KLHL24: variants seen among roughly 807,000 people sequenced by gnomAD.
KLHL24 encodes kelch-like protein 24.
Under a neutral mutation model 53.4 loss-of-function variants are expected in KLHL24, and 29 were observed. The observed-to-expected ratio is 0.54, with a 90% CI of 0.40 to 0.74. The LOEUF (loss-of-function observed/expected upper bound fraction) is 0.74. KLHL24 is among the 30% of genes least tolerant of loss of function. The pLI, the probability that KLHL24 is intolerant of heterozygous loss-of-function variation, is 0.00. For synonymous variants in KLHL24, 222 were observed against 253.7 expected, an observed-to-expected ratio of 0.88 and a Z score of 1.19; for missense variants, 504 against 744.0, an observed-to-expected ratio of 0.68 and a Z score of 3.75.
At chr3:183,662,879 G>A (rs181038865) in intron 3 of KLHL24, among the ~76,000 whole-genome samples, 233 of 152,154 alleles carry the variant, frequency 1.5e-3, no homozygotes, top group Middle Eastern at 3.4e-3. Flanking sequence ...TAACATTCTT[G>A]TTATAAACTG....
rs532758562 is a variant in KLHL24, at chr3:183,653,196, T to C, written c.920+1920T>C. 5.9e-5 allele frequency among the ~76,000 whole-genome samples: 9 copies of C among 152,348 alleles called. No homozygotes were observed. In the South Asian group the frequency reaches 1.7e-3, roughly 28 times the overall value. ...GTATAAAAACCAAACTATAGTTCTG[T>C]TGAATTTGCAGACTCTTAAAAATAC... On this transcript the variant is annotated intron_variant, in intron 3 of 7. Coordinates refer to ENST00000242810, the MANE Select transcript of KLHL24 (RefSeq NM_017644.3).
intron 5 of KLHL24, among the ~76,000 whole-genome samples, chr3:183,669,360 A>G (rs1721023575): frequency 6.6e-6 from 1 of 152,168 alleles, no homozygotes. Flanking sequence ...CTCAAAAAAA[A>G]AATTATAAAA....
rs1712499416 is a variant in KLHL24 at position 183,679,801 on chromosome 3, G to GT, written c.*522dup. 1 of 152,314 alleles carries GT rather than the reference G, an allele frequency of 6.6e-6. No homozygotes were observed. The highest frequency in any genetic ancestry group is 2.1e-4 in the South Asian group (1 of 4,840). 9.4% of individuals were successfully genotyped at this position (152,314 alleles called of 1,614,324 possible). A position where few individuals can be genotyped will look rare whatever the true frequency, so the allele number is the denominator to read the frequency against. On this transcript the variant is annotated 3_prime_UTR_variant, in exon 8 of 8. Transcript: ENST00000242810. ...CCAGATTGGTTAATTTTATTGAAGG[G>GT]TTTTTTTCTGTAATTGATAAAAATG...
Position 183,680,064 on chromosome 3 carries a change from T to C in KLHL24, c.*778T>C, listed in dbSNP as rs1712521893. On this transcript the variant is annotated 3_prime_UTR_variant, in exon 8 of 8. Transcript: ENST00000242810. ...TTTTTATGCATCATCTCTTCAATCC[T>C]CTAAGAAAGCCTCTTTTCTTAACTT... 1 of 152,194 alleles carries C rather than the reference T, an allele frequency of 6.6e-6. No homozygotes were observed. The highest frequency in any genetic ancestry group is 6.5e-5 in the Admixed American group (1 of 15,274). The allele number at this position is 152,194 out of a possible 1,614,324, so 9.4% of individuals were successfully genotyped here.
At chr3:183,638,978 A>G (rs1467134006) in intron 1 of KLHL24, among the ~76,000 whole-genome samples, 2 of 152,150 alleles carry the variant, frequency 1.3e-5, no homozygotes, top group African/African-American at 4.8e-5. Flanking sequence ...AGGCGGGTGG[A>G]TCACCTGAGG....
chr3:183,650,618 A>G lies in KLHL24; in HGVS notation c.262A>G (p.Ser88Gly). Residue 88 changes from serine to glycine, a missense_variant, in exon 3 of 8, where the codon AGC becomes GGC. Ser to Gly is a moderately conservative substitution (Grantham distance 56, BLOSUM62 0). Transcript: ENST00000242810. This position sits in a 1 kb window ranked among gnomAD's most constrained non-coding sequence, Gnocchi z 4.5. ...PCHRAVLSAC[S>G]SYFRAMFCND... ...CCATAGAGCTGTGCTCTCAGCCTGT[A>G]GCAGCTACTTCAGAGCTATGTTTTG... 6.2e-7 allele frequency: 1 copy of G among 1,614,190 alleles called. No individual in the cohort carries two copies. Among genetic ancestry groups the G allele is most frequent in the South Asian group, 1.1e-5 (1 of 91,090 alleles).
chr3:183,637,933 G>A (rs1715623845), intron 1 of KLHL24, among the ~76,000 whole-genome samples: 2 of 152,174 alleles, frequency 1.3e-5, no homozygotes, highest in Admixed American at 1.3e-4. Flanking sequence ...TGCTGGGATT[G>A]CAGGCGTGAG....
intron 5 of KLHL24, among the ~76,000 whole-genome samples, chr3:183,669,288 A>G (rs1022614236): frequency 9.9e-5 from 15 of 152,134 alleles, no homozygotes; most frequent in African/African-American, 2.2e-4. Context: ...GGAGGCAGAC[A>G]TTGCAGTGAG....
intron 5 of KLHL24, among the ~76,000 whole-genome samples, chr3:183,665,261 TTTCTC>T (rs1386055512): frequency 2.6e-5 from 4 of 152,212 alleles, no homozygotes; most frequent in African/African-American, 9.6e-5. Context: ...GTGTAGCACA[TTTCTC>T]TTCTCATGCA....
chr3:183,650,065 T>C lies in KLHL24; in HGVS notation c.-61-231T>C, dbSNP rs1013813172. Among the ~76,000 whole-genome samples, 1 of 152,192 alleles carries C rather than the reference T, an allele frequency of 6.6e-6. No homozygotes were observed. Among genetic ancestry groups the C allele is most frequent in the Admixed American group, 6.5e-5 (1 of 15,268 alleles). ...GTAACTCACGAAGTACATAGTATCC[T>C]TTCAGCTAGAAAAGGGGAGCTTAAG... On this transcript the variant is annotated intron_variant, in intron 2 of 7. Transcript: ENST00000242810. The surrounding 1 kb of genome is among the most constrained non-coding windows in gnomAD (Gnocchi z 4.5).
intron 3 of KLHL24, among the ~76,000 whole-genome samples, chr3:183,660,638 A>G (rs1453980917): frequency 6.6e-6 from 1 of 152,150 alleles, no homozygotes; most frequent in African/African-American, 2.4e-5. Flanking sequence ...ATAATTGCCA[A>G]TTTTGAAAAG....
chr3:183,679,563 T>G lies in KLHL24; in HGVS notation c.*277T>G. On this transcript the variant is annotated 3_prime_UTR_variant, in exon 8 of 8. Coordinates refer to ENST00000242810, the MANE Select transcript of KLHL24 (RefSeq NM_017644.3). ...GTATTTGTAAGAAGTCTATGTGAATTAGGAAATGTCTGTCTGCATACCTTT... is the reference window on the plus strand; with the variant it reads ...GTATTTGTAAGAAGTCTATGTGAATGAGGAAATGTCTGTCTGCATACCTTT... The G allele has an allele frequency of 2.8e-6, 1 of 359,540 alleles. No individual in the cohort carries two copies. Among genetic ancestry groups the G allele is most frequent in the African/African-American group, 2.1e-5 (1 of 47,966 alleles). 22.3% of individuals were successfully genotyped at this position (359,540 alleles called of 1,614,324 possible). A position where few individuals can be genotyped will look rare whatever the true frequency, so the allele number is the denominator to read the frequency against.
intron 2 of KLHL24, among the ~76,000 whole-genome samples, chr3:183,644,351 A>G (rs932889717): frequency 6.6e-6 from 1 of 152,052 alleles, no homozygotes; most frequent in Admixed American, 6.6e-5. Flanking sequence ...CCTGCAAATC[A>G]TTTATACATA....
intron 1 of KLHL24, chr3:183,636,388 C>A (rs906148841): frequency 6.6e-6 from 1 of 152,194 alleles, no homozygotes; most frequent in African/African-American, 2.4e-5. Flanking sequence ...GTCACCTGAC[C>A]GTTACCCCCG....
chr3:183,639,010 G>C (rs1324005797), intron 1 of KLHL24, among the ~76,000 whole-genome samples: 2 of 151,874 alleles, frequency 1.3e-5, no homozygotes, highest in East Asian at 3.9e-4. Flanking sequence ...AGATCAGCCT[G>C]GCCAACGTGG....
chr3:183,651,493 A>G (rs2108798783), intron 3 of KLHL24, among the ~76,000 whole-genome samples: 1 of 152,288 alleles, frequency 6.6e-6, no homozygotes. Context: ...GTGCTATCAA[A>G]CAGTGTAGCA....
intron 5 of KLHL24, among the ~76,000 whole-genome samples, chr3:183,669,862 T>G (rs549721177): frequency 6.6e-6 from 1 of 151,836 alleles, no homozygotes; most frequent in East Asian, 1.9e-4. Context: ...AAGGAAGGGG[T>G]ATATGTGAAA....
At chr3:183,665,973 C>T (rs1378378316) in intron 5 of KLHL24, among the ~76,000 whole-genome samples, 1 of 150,286 alleles carries the variant, frequency 6.7e-6, no homozygotes, top group Non-Finnish European at 1.5e-5. Context: ...ACTTCTGCCT[C>T]CCCAGTGCAA....
rs1257836873 is a variant in KLHL24 at position 183,679,157 on chromosome 3, C to T, written c.1674C>T (p.Ala558=). Residue 558 remains alanine, a synonymous_variant, in exon 8 of 8, where the codon GCC becomes GCT. Transcript: ENST00000242810. ...ILGGRRENGE[A]TDTILCYDPA... The stretch of plus-strand genomic sequence containing the variant: ...GCGGAAGACGGGAAAATGGAGAAGC[C>T]ACAGACACTATTCTCTGTTATGATC... 1 of 1,613,254 alleles carries T rather than the reference C, an allele frequency of 6.2e-7. No homozygotes were observed. The highest frequency in any genetic ancestry group is 2.2e-5 in the East Asian group (1 of 44,878).
Sources: allele counts gnomAD v4.1 joint callset (sites outside exome capture counted in the v4.1 genomes callset), GRCh38; gene constraint gnomAD v4.1.1; non-coding constraint Gnocchi (gnomAD v3.1); transcripts MANE v1.5; gene names NCBI Gene and HGNC (gene_info 2026-07-23, HGNC 2026-07-21).